The following NAALADL2 variants were observed in gnomAD, a reference collection of about 807,000 sequenced individuals.
The protein encoded by NAALADL2 is N-acetylated alpha-linked acidic dipeptidase like 2.
A neutral mutation model predicts 87.2 loss-of-function variants in NAALADL2; 76 were observed. The ratio of observed to expected loss-of-function variants is 0.87; its 90% CI spans 0.72 to 1.05. The LOEUF is 1.05. NAALADL2 is among the 50% of genes least tolerant of loss of function. The pLI, the probability that NAALADL2 is intolerant of heterozygous loss-of-function variation, is 0.00. For synonymous variants in NAALADL2, 354 were observed against 331.0 expected, an observed-to-expected ratio of 1.07 and a Z score of -0.75; for missense variants, 1,089 against 945.8, an observed-to-expected ratio of 1.15 and a Z score of -1.99.
chr3:175,402,259 G>T (rs1770656160), intron 5 of NAALADL2, among the ~76,000 whole-genome samples: 1 of 152,184 alleles, frequency 6.6e-6, no homozygotes, highest in African/African-American at 2.4e-5. Flanking sequence ...CAAATTGACA[G>T]TTAATTTAAT....
At chr3:174,653,028 G>A (rs508094) in intron 2 of NAALADL2, among the ~76,000 whole-genome samples, 58,007 of 151,976 alleles carry the variant, frequency 0.38, 12,711 homozygotes, top group African/African-American at 0.6. Flanking sequence ...CACACTAACT[G>A]TAATGATTAC....
intron 2 of NAALADL2, among the ~76,000 whole-genome samples, chr3:175,135,869 A>T (rs911690627): frequency 4.6e-5 from 7 of 152,224 alleles, no homozygotes; most frequent in Non-Finnish European, 1.5e-5. Flanking sequence ...ACAGAATATC[A>T]GTTCTAGAGA....
intron 11 of NAALADL2, among the ~76,000 whole-genome samples, chr3:175,728,245 A>G (rs1743201583): frequency 6.6e-6 from 1 of 152,146 alleles, no homozygotes; most frequent in African/African-American, 2.4e-5. Flanking sequence ...TAATGTGGAG[A>G]ATGTGTTGGA....
intron 11 of NAALADL2, among the ~76,000 whole-genome samples, chr3:175,698,439 T>TATGTGTATTTATG (rs1738423670): frequency 7.8e-6 from 1 of 128,076 alleles, no homozygotes; most frequent in Admixed American, 7.8e-5. Context: ...GTGTATATAT[T>TATGTGTATTTATG]TATGTATGTA....
chr3:175,069,399 A>G (rs11719329), intron 1 of NAALADL2, among the ~76,000 whole-genome samples: 1 of 150,148 alleles, frequency 6.7e-6, no homozygotes, highest in South Asian at 2.1e-4. Flanking sequence ...CAGCCAAAAC[A>G]CACATGAAAA....
At chr3:175,236,604 GTATACTTCTAATTTC>G (rs1195767949) in intron 3 of NAALADL2, among the ~76,000 whole-genome samples, 80 of 150,990 alleles carry the variant, frequency 5.3e-4, no homozygotes, top group African/African-American at 1.9e-3. Flanking sequence ...AACAGATATT[GTATACTTCTAATTTC>G]TGATTCATAC....
intron 2 of NAALADL2, among the ~76,000 whole-genome samples, chr3:175,187,826 A>G (rs1370600409): frequency 2.6e-5 from 4 of 152,206 alleles, no homozygotes; most frequent in Admixed American, 6.5e-5. Context: ...CAATGAAGTG[A>G]CTATAAAAAT....
intron 3 of NAALADL2, among the ~76,000 whole-genome samples, chr3:174,814,584 A>AT (rs1290337739): frequency 6.6e-6 from 1 of 152,108 alleles, no homozygotes; most frequent in Non-Finnish European, 1.5e-5. Context: ...GAATAATGTA[A>AT]TTTTGTGCTC....
chr3:174,622,463 T>C (rs1013172297), intron 2 of NAALADL2, among the ~76,000 whole-genome samples: 1 of 152,138 alleles, frequency 6.6e-6, no homozygotes, highest in Non-Finnish European at 1.5e-5. Flanking sequence ...AGTTGACCAT[T>C]GAACAACACA....
At chr3:175,581,683 C>G (rs77486243) in intron 10 of NAALADL2, among the ~76,000 whole-genome samples, 1 of 152,004 alleles carries the variant, frequency 6.6e-6, no homozygotes, top group South Asian at 2.1e-4. Flanking sequence ...TTTTTGTACT[C>G]CACACACTTG....
At chr3:175,017,195 C>G (rs1240581853) in intron 1 of NAALADL2, among the ~76,000 whole-genome samples, 3 of 151,584 alleles carry the variant, frequency 2.0e-5, no homozygotes, top group African/African-American at 7.3e-5. Context: ...CATTGCTTTT[C>G]ATAGATATAT....
chr3:175,039,522 T>G lies in NAALADL2; in HGVS notation c.44-57268T>G, dbSNP rs574773132. On this transcript the variant is annotated intron_variant, in intron 1 of 13. Transcript: ENST00000454872. ...CAGGCAGGCAGTGTCTTCTGAGACC[T>G]GGACAATAGGGTTATGTAGTATAAT... Among the ~76,000 whole-genome samples the G allele has an allele frequency of 1.7e-4, 26 of 152,188 alleles. 1 individual carries two copies. The highest frequency in any genetic ancestry group is 3.2e-3 in the Middle Eastern group (1 of 316).
At chr3:174,820,605 G>C (rs1721312869) in intron 3 of NAALADL2, among the ~76,000 whole-genome samples, 1 of 151,952 alleles carries the variant, frequency 6.6e-6, no homozygotes, top group Non-Finnish European at 1.5e-5. Flanking sequence ...GAAACTGAAA[G>C]AAACTTTTGT....
At chr3:174,777,704 T>G (rs1715382389) in intron 3 of NAALADL2, among the ~76,000 whole-genome samples, 1 of 152,056 alleles carries the variant, frequency 6.6e-6, no homozygotes, top group South Asian at 2.1e-4. Flanking sequence ...CTTAATGACT[T>G]AAAAGAAATG....
Position 174,631,314 on chromosome 3 carries a change from T to C in NAALADL2, c.-115+80677T>C, listed in dbSNP as rs139655569. Among the ~76,000 whole-genome samples, 554 of 152,324 alleles carry C rather than the reference T, an allele frequency of 3.6e-3. 1 individual carries two copies. Among genetic ancestry groups the C allele is most frequent in the African/African-American group, 0.013 (538 of 41,590 alleles). On this transcript the variant is annotated intron_variant, in intron 2 of 3. Coordinates refer to the NAALADL2 transcript ENST00000434257. ...ACCCTAACCTTCTCACTGTAGTCTA[T>C]GTGAGTGGTGGGAAGAAAACAGTGA... is the stretch of plus-strand genomic sequence containing the variant.
At chr3:174,637,691 T>C (rs1300219521) in intron 2 of NAALADL2, among the ~76,000 whole-genome samples, 3 of 152,014 alleles carry the variant, frequency 2.0e-5, no homozygotes, top group Non-Finnish European at 2.9e-5. Flanking sequence ...ATTTCATGAG[T>C]TTAGGATAGA....
At chr3:175,132,429 G>GGC (rs1308726896) in intron 2 of NAALADL2, among the ~76,000 whole-genome samples, 106 of 324 alleles carry the variant, frequency 0.33, 30 homozygotes, top group East Asian at 0.5. Context: ...CTGTTGGCCG[G>GGC]GTGGGGCTGA....
chr3:174,504,252 A>G (rs1194238490), intron 1 of NAALADL2, among the ~76,000 whole-genome samples: 4 of 152,158 alleles, frequency 2.6e-5, no homozygotes, highest in Admixed American at 1.3e-4. Context: ...ATAAATTTTT[A>G]GAGGAACAGA....
chr3:175,146,886 T>C (rs1027010708), intron 2 of NAALADL2, among the ~76,000 whole-genome samples: 1 of 152,098 alleles, frequency 6.6e-6, no homozygotes, highest in African/African-American at 2.4e-5. Context: ...CATAATCTTC[T>C]CCCAAGATCT....
Sources: gnomAD v4.1 joint callset for allele counts (sites outside exome capture counted in the v4.1 genomes callset) on GRCh38, gnomAD v4.1.1 for gene constraint, MANE v1.5 for transcripts, NCBI Gene and HGNC (gene_info 2026-07-23, HGNC 2026-07-21) for gene names.